OSBPL3: variants seen among roughly 807,000 people sequenced by gnomAD.
OSBPL3 encodes the protein oxysterol binding protein like 3.
OSBPL3 carries 65 observed loss-of-function variants against 120.1 expected under a neutral mutation model. The ratio of observed to expected loss-of-function variants is 0.54; its 90% confidence interval spans 0.44 to 0.67. OSBPL3 has a LOEUF of 0.67. OSBPL3 is among the 30% of genes least tolerant of loss of function. OSBPL3 has a pLI of 0.00. For missense variants in OSBPL3, 1,004 were observed against 1,082.1 expected (o/e 0.93, Z 1.01); for synonymous variants, 416 against 402.6 (o/e 1.03, Z -0.40).
At position 24,833,230 on chromosome 7, in the gene OSBPL3, C is replaced by G. The variant is rs767011908; in HGVS notation, c.1746+1256G>C. 8.5e-5 allele frequency among the ~76,000 whole-genome samples: 13 copies of G among 152,148 alleles called. No homozygotes were observed. Among genetic ancestry groups the G allele is most frequent in the Non-Finnish European group, 1.9e-4 (13 of 68,038 alleles). On this transcript the variant is annotated intron_variant, in intron 15 of 22. Transcript: ENST00000313367. The surrounding 1 kb of genome is among the most constrained non-coding windows in gnomAD (Gnocchi z 4.4). ...GAAAGAAAGTCTCTTGGGCCAGGTA[C>G]AGTGACTCATGCCTGTAATCCCAGC...
rs1448601452 is a variant in OSBPL3, at chr7:24,955,357, A to G, written c.-150+24529T>C. Among the ~76,000 whole-genome samples, 1 of 152,226 alleles carries G rather than the reference A, an allele frequency of 6.6e-6. No individual in the cohort carries two copies. The highest frequency in any genetic ancestry group is 1.5e-5 in the Non-Finnish European group (1 of 68,034). On this transcript the variant is annotated intron_variant, in intron 1 of 22. Transcript: ENST00000313367. This position sits in a 1 kb window ranked among gnomAD's most constrained non-coding sequence, Gnocchi z 4.3. Reference sequence around the variant, plus strand: ...TAATCTATTCCAACAACAAAAATATACTGAGCACTTACAATGCGCTGGGAA... The same window carrying G: ...TAATCTATTCCAACAACAAAAATATGCTGAGCACTTACAATGCGCTGGGAA...
chr7:24,980,604 C>G (rs1325194663), upstream of OSBPL3, among the ~76,000 whole-genome samples: 3 of 151,884 alleles, frequency 2.0e-5, no homozygotes, highest in Non-Finnish European at 2.9e-5. Flanking sequence ...GGGACCCTTG[C>G]GGTCGCACAG....
rs1461887261 is a variant in OSBPL3, at chr7:24,937,692, G to A, written c.-150+42194C>T. On this transcript the variant is annotated intron_variant, in intron 1 of 22. Coordinates refer to ENST00000313367, the MANE Select transcript of OSBPL3 (RefSeq NM_015550.4). This position sits in a 1 kb window ranked among gnomAD's most constrained non-coding sequence, Gnocchi z 4.0. ...TATGGTGCTATCAGGCATAAAACATGAAACACCTTAAACCTAACTAATTAC... is the reference window on the plus strand; with the variant it reads ...TATGGTGCTATCAGGCATAAAACATAAAACACCTTAAACCTAACTAATTAC... Among the ~76,000 whole-genome samples the A allele has an allele frequency of 2.6e-5, 4 of 152,166 alleles. No individual in the cohort carries two copies. Among genetic ancestry groups the A allele is most frequent in the Admixed American group, 2.6e-4 (4 of 15,280 alleles).
rs1358555108 is a variant in OSBPL3, at chr7:24,972,727, T to TAC, written c.-150+7157_-150+7158dup. Among the ~76,000 whole-genome samples, 1 of 152,092 alleles carries TAC rather than the reference T, an allele frequency of 6.6e-6. No homozygotes were observed. Among genetic ancestry groups the TAC allele is most frequent in the African/African-American group, 2.4e-5 (1 of 41,368 alleles). On this transcript the variant is annotated intron_variant, in intron 1 of 22. Coordinates refer to ENST00000313367, the MANE Select transcript of OSBPL3 (RefSeq NM_015550.4). This position sits in a 1 kb window ranked among gnomAD's most constrained non-coding sequence, Gnocchi z 4.3. ...TAAAAAATATATACATACATAAATATACACACACATATATATACATATATG... is the reference window on the plus strand; with the variant it reads ...TAAAAAATATATACATACATAAATATACACACACACATATATATACATATATG...
rs1165763512 is a variant in OSBPL3 at position 24,803,994 on chromosome 7, T to C, written c.2567+321A>G. On this transcript the variant is annotated intron_variant, in intron 22 of 22. Transcript: ENST00000313367. This position sits in a 1 kb window ranked among gnomAD's most constrained non-coding sequence, Gnocchi z 4.2. ...AACCTTAGCTGTGGATTTAATAAGC[T>C]GGCCTGGTGCTGGGACCCAGTTCTG... Among the ~76,000 whole-genome samples, 1 of 152,160 alleles carries C rather than the reference T, an allele frequency of 6.6e-6. No homozygotes were observed. The highest frequency in any genetic ancestry group is 1.9e-4 in the East Asian group (1 of 5,190).
At chr7:24,944,920 T>C (rs1027032162) in intron 1 of OSBPL3, among the ~76,000 whole-genome samples, 1 of 152,152 alleles carries the variant, frequency 6.6e-6, no homozygotes, top group African/African-American at 2.4e-5. Context: ...TCTGGCCCAA[T>C]GGAGTTAACA....
intron 1 of OSBPL3, among the ~76,000 whole-genome samples, chr7:24,970,390 G>A (rs905186732): frequency 2.0e-5 from 3 of 152,176 alleles, no homozygotes; most frequent in African/African-American, 7.2e-5. Flanking sequence ...ATAGGCGTGA[G>A]CCATCGCACT....
intron 1 of OSBPL3, among the ~76,000 whole-genome samples, chr7:24,905,591 C>T (rs1041495742): frequency 9.2e-5 from 14 of 152,324 alleles, no homozygotes; most frequent in South Asian, 2.1e-4. Context: ...AGCCCAGAGT[C>T]CATGATTGAA....
rs964861504 is a variant in OSBPL3 at position 24,852,767 on chromosome 7, A to G, written c.1028-133T>C. The G allele has an allele frequency of 1.6e-6, 1 of 610,538 alleles. No homozygotes were observed. Among genetic ancestry groups the G allele is most frequent in the East Asian group, 3.0e-5 (1 of 32,892 alleles). The allele number at this position is 610,538 out of a possible 1,614,324, so 37.8% of individuals were successfully genotyped here. On this transcript the variant is annotated intron_variant, in intron 10 of 22. Transcript: ENST00000313367. This position sits in a 1 kb window ranked among gnomAD's most constrained non-coding sequence, Gnocchi z 4.1. ...AATATTTTGAGTATAGCAAATGTACATTCTACCTTGACTTTTAAAAAACAC... is the reference window on the plus strand; with the variant it reads ...AATATTTTGAGTATAGCAAATGTACGTTCTACCTTGACTTTTAAAAAACAC...
In OSBPL3 at chr7:24,955,017, G is replaced by A. The variant is rs1302665199; in HGVS notation, c.-150+24869C>T. Reference sequence around the variant, plus strand: ...AATCACAGCCTCAAAGATCCATAATGTGCCTTGGTTACCTCTTGATTCTCA... The same window carrying A: ...AATCACAGCCTCAAAGATCCATAATATGCCTTGGTTACCTCTTGATTCTCA... On this transcript the variant is annotated intron_variant, in intron 1 of 22. Coordinates refer to ENST00000313367, the MANE Select transcript of OSBPL3 (RefSeq NM_015550.4). This position sits in a 1 kb window ranked among gnomAD's most constrained non-coding sequence, Gnocchi z 4.3. Among the ~76,000 whole-genome samples, 2 of 152,114 alleles carry A rather than the reference G, an allele frequency of 1.3e-5. No homozygotes were observed. The highest frequency in any genetic ancestry group is 4.8e-5 in the African/African-American group (2 of 41,410).
chr7:24,834,745 GAAA>G lies in OSBPL3; in HGVS notation c.1496-12_1496-10del. 6.3e-7 allele frequency: 1 copy of G among 1,589,546 alleles called. No individual in the cohort carries two copies. The highest frequency in any genetic ancestry group is 8.5e-7 in the Non-Finnish European group (1 of 1,171,160). On this transcript the variant is annotated splice_polypyrimidine_tract_variant and intron_variant, in intron 14 of 22. Transcript: ENST00000313367. This position sits in a 1 kb window ranked among gnomAD's most constrained non-coding sequence, Gnocchi z 5.2. ...ACTATCAAGGACAGGCCCTGAAAGGGAAAGAGGCCTGGTTGTCTCTATAAAGCT... is the reference window on the plus strand; with the variant it reads ...ACTATCAAGGACAGGCCCTGAAAGGGGAGGCCTGGTTGTCTCTATAAAGCT...
chr7:24,849,102 G>C lies in OSBPL3; in HGVS notation c.1233C>G (p.Pro411=). ...IHAESLLLDS[P]AVAKSGDNLA... ...GATTGTCACCCGACTTGGCGACAGC[G>C]GGGGAGTCGAGGAGCAGAGACTCGG... is the stretch of plus-strand genomic sequence containing the variant. Residue 411 remains proline, a synonymous_variant, in exon 12 of 23, where the codon CCC becomes CCG. Transcript: ENST00000313367. The surrounding 1 kb of genome is among the most constrained non-coding windows in gnomAD (Gnocchi z 5.4). 6.2e-7 allele frequency: 1 copy of C among 1,613,806 alleles called. No individual in the cohort carries two copies.
chr7:24,868,566 A>G (rs1167803391), intron 5 of OSBPL3, among the ~76,000 whole-genome samples: 1 of 152,170 alleles, frequency 6.6e-6, no homozygotes, highest in Non-Finnish European at 1.5e-5. Context: ...GATGAGAGCT[A>G]GGATATGCAA....
chr7:24,956,376 C>T (rs147917873), intron 1 of OSBPL3, among the ~76,000 whole-genome samples: 1 of 152,344 alleles, frequency 6.6e-6, no homozygotes, highest in Non-Finnish European at 1.5e-5. Flanking sequence ...TAAGGGTACT[C>T]AGAAAAGAAT....
In OSBPL3 at chr7:24,932,999, C is replaced by T. The variant is rs764003097; in HGVS notation, c.-149-40378G>A. Among the ~76,000 whole-genome samples, 2 of 152,222 alleles carry T rather than the reference C, an allele frequency of 1.3e-5. No homozygotes were observed. The highest frequency in any genetic ancestry group is 6.5e-5 in the Admixed American group (1 of 15,290). ...TCCATATTCAAATTCCACACCGGAC[C>T]TGATGCTGCTGCACCAACTCCAGTC... On this transcript the variant is annotated intron_variant, in intron 1 of 22. Coordinates refer to ENST00000313367, the MANE Select transcript of OSBPL3 (RefSeq NM_015550.4). The surrounding 1 kb of genome is among the most constrained non-coding windows in gnomAD (Gnocchi z 5.6).
At chr7:24,882,715 C>T (rs1040591471) in intron 2 of OSBPL3, among the ~76,000 whole-genome samples, 8 of 152,124 alleles carry the variant, frequency 5.3e-5, no homozygotes, top group African/African-American at 1.9e-4. Context: ...GAAAGAGTTC[C>T]CTTTCTTCTG....
At position 24,831,055 on chromosome 7, in the gene OSBPL3, T is replaced by C; in HGVS notation, c.1747-150A>G. 1.4e-6 allele frequency: 1 copy of C among 735,994 alleles called. No individual in the cohort carries two copies. The highest frequency in any genetic ancestry group is 2.1e-6 in the Non-Finnish European group (1 of 486,154). 45.6% of individuals were successfully genotyped at this position (735,994 alleles called of 1,614,324 possible). A position where few individuals can be genotyped will look rare whatever the true frequency, so the allele number is the denominator to read the frequency against. ...GTTTTTAAACAACATAGGTTTAAAA[T>C]TGTAGGTTTAAATAATGTTTATCTG... On this transcript the variant is annotated intron_variant, in intron 15 of 22. Transcript: ENST00000313367. The surrounding 1 kb of genome is among the most constrained non-coding windows in gnomAD (Gnocchi z 4.0).
chr7:24,910,680 C>T (rs1386510830), intron 1 of OSBPL3, among the ~76,000 whole-genome samples: 1 of 152,220 alleles, frequency 6.6e-6, no homozygotes, highest in Non-Finnish European at 1.5e-5. Flanking sequence ...CCAGAACACA[C>T]CCCAGGGTGG....
Position 24,862,429 on chromosome 7 carries a change from G to A in OSBPL3, c.871-660C>T, listed in dbSNP as rs1386311279. Among the ~76,000 whole-genome samples, 1 of 152,150 alleles carries A rather than the reference G, an allele frequency of 6.6e-6. No individual in the cohort carries two copies. Among genetic ancestry groups the A allele is most frequent in the Non-Finnish European group, 1.5e-5 (1 of 68,032 alleles). ...CCATGTATCCAGGCGGTTAGTAATGGATAGGTTTAAAATGCTTTTCTTTGC... is the reference window on the plus strand; with the variant it reads ...CCATGTATCCAGGCGGTTAGTAATGAATAGGTTTAAAATGCTTTTCTTTGC... On this transcript the variant is annotated intron_variant, in intron 9 of 22. Transcript: ENST00000313367. This position sits in a 1 kb window ranked among gnomAD's most constrained non-coding sequence, Gnocchi z 4.4.
Sources: gnomAD v4.1 joint callset for allele counts (sites outside exome capture counted in the v4.1 genomes callset) on GRCh38, gnomAD v4.1.1 for gene constraint, Gnocchi (gnomAD v3.1) non-coding constraint, MANE v1.5 for transcripts, NCBI Gene and HGNC (gene_info 2026-07-23, HGNC 2026-07-21) for gene names.